The following GPC5 variants were observed in gnomAD, a reference collection of about 807,000 sequenced individuals.
GPC5 encodes the protein glypican-5.
In GPC5, 47 loss-of-function variants were observed where a neutral mutation model predicts 53.9. That is an observed-to-expected ratio of 0.87 (90% confidence interval 0.69 to 1.11). The LOEUF (loss-of-function observed/expected upper bound fraction) is 1.11. GPC5 is among the 50% of genes most tolerant of loss of function. The probability of loss-of-function intolerance (pLI) is 0.00; values close to 1 mark genes in which losing one functional copy is unlikely to be tolerated. For synonymous variants in GPC5, 286 were observed against 263.3 expected (o/e 1.09, Z -0.84); for missense variants, 748 against 713.1 (o/e 1.05, Z -0.56).
intron 1 of GPC5, among the ~76,000 whole-genome samples, chr13:91,411,449 A>C (rs1243755529): frequency 6.6e-6 from 1 of 152,140 alleles, no homozygotes; most frequent in African/African-American, 2.4e-5. Context: ...TCTCCACCCT[A>C]CCCTTTGTTC....
intron 6 of GPC5, among the ~76,000 whole-genome samples, chr13:92,062,506 A>G (rs1298758696): frequency 6.6e-6 from 1 of 152,004 alleles, no homozygotes; most frequent in Admixed American, 6.5e-5. Context: ...CTAATCTCGT[A>G]AAATAGCTAC....
chr13:91,787,438 T>C (rs1485515384), intron 5 of GPC5, among the ~76,000 whole-genome samples: 1 of 152,168 alleles, frequency 6.6e-6, no homozygotes, highest in Non-Finnish European at 1.5e-5. Flanking sequence ...TCATATGTTT[T>C]TAAAATTTGT....
At chr13:91,681,373 CT>C (rs2035505193) in intron 2 of GPC5, among the ~76,000 whole-genome samples, 2 of 152,166 alleles carry the variant, frequency 1.3e-5, no homozygotes, top group South Asian at 4.1e-4. Context: ...ACAAGAAGCC[CT>C]TGCATTTCAT....
At chr13:92,840,030 C>T (rs1878368338) in intron 7 of GPC5, among the ~76,000 whole-genome samples, 1 of 138,350 alleles carries the variant, frequency 7.2e-6, no homozygotes, top group Non-Finnish European at 1.6e-5. Flanking sequence ...AGCTTTTTTA[C>T]TTATATATCC....
At chr13:92,641,203 C>T (rs1261057919) in intron 7 of GPC5, among the ~76,000 whole-genome samples, 1 of 152,118 alleles carries the variant, frequency 6.6e-6, no homozygotes. Flanking sequence ...CCTTTTGCTG[C>T]AAATTAACCT....
intron 7 of GPC5, among the ~76,000 whole-genome samples, chr13:92,498,174 G>T (rs2138926357): frequency 6.6e-6 from 1 of 152,174 alleles, no homozygotes; most frequent in South Asian, 2.1e-4. Flanking sequence ...GGGCCAAGTG[G>T]GTGACCTGAA....
At chr13:91,463,005 G>A (rs1005451068) in intron 2 of GPC5, among the ~76,000 whole-genome samples, 20 of 152,010 alleles carry the variant, frequency 1.3e-4, no homozygotes, top group African/African-American at 4.8e-4. Context: ...CAATTTGACA[G>A]CACTAGGTTA....
chr13:92,312,835 T>C (rs1320425345), intron 7 of GPC5, among the ~76,000 whole-genome samples: 1 of 152,234 alleles, frequency 6.6e-6, no homozygotes, highest in African/African-American at 2.4e-5. Flanking sequence ...TTCTTGATTA[T>C]AATGTCTAAT....
chr13:92,495,836 C>T (rs576641994), intron 7 of GPC5, among the ~76,000 whole-genome samples: 157 of 152,126 alleles, frequency 1.0e-3, no homozygotes, highest in African/African-American at 3.7e-3. Flanking sequence ...GTGTAAACCC[C>T]AGCCTCTCAT....
chr13:92,222,168 T>C (rs1326984210), intron 7 of GPC5, among the ~76,000 whole-genome samples: 1 of 152,202 alleles, frequency 6.6e-6, no homozygotes, highest in African/African-American at 2.4e-5. Flanking sequence ...GTAGGCATCA[T>C]GTGCCACTGT....
Position 92,850,168 on chromosome 13 carries a change from G to A in GPC5, c.1562-16114G>A, listed in dbSNP as rs564849820. Among the ~76,000 whole-genome samples, 63 of 152,268 alleles carry A rather than the reference G, an allele frequency of 4.1e-4. No homozygotes were observed. The South Asian group carries it at 0.01, about 25-fold the overall frequency. ...TGAGAGCAGAGGAATTGGAAGAAGA[G>A]ATAGCAATAACAACATTTGAAAGCT... On this transcript the variant is annotated intron_variant, in intron 7 of 7. Transcript: ENST00000377067.
At chr13:91,422,977 C>A (rs1293480979) in intron 1 of GPC5, among the ~76,000 whole-genome samples, 2 of 152,272 alleles carry the variant, frequency 1.3e-5, no homozygotes, top group South Asian at 2.1e-4. Context: ...TCAGAGGGGA[C>A]ATTCAAACTA....
intron 3 of GPC5, among the ~76,000 whole-genome samples, chr13:91,694,107 G>C (rs1245821112): frequency 6.6e-6 from 1 of 152,164 alleles, no homozygotes; most frequent in Non-Finnish European, 1.5e-5. Context: ...GCTCAGGTTT[G>C]AAATCAGGAA....
chr13:91,575,107 T>C (rs1191132843), intron 2 of GPC5, among the ~76,000 whole-genome samples: 5 of 152,166 alleles, frequency 3.3e-5, no homozygotes, highest in Admixed American at 6.5e-5. Context: ...TATTTGACTA[T>C]TGAGGCAGTT....
At chr13:92,492,565 T>G (rs1420679996) in intron 7 of GPC5, among the ~76,000 whole-genome samples, 2 of 151,884 alleles carry the variant, frequency 1.3e-5, no homozygotes, top group Non-Finnish European at 2.9e-5. Context: ...ACAAAAAAAG[T>G]AACACATTAA....
intron 7 of GPC5, among the ~76,000 whole-genome samples, chr13:92,410,987 TACTTTGGGAGACCA>T (rs1876016078): frequency 6.6e-6 from 1 of 152,304 alleles, no homozygotes; most frequent in South Asian, 2.1e-4. Context: ...ATAATCCCAG[TACTTTGGGAGACCA>T]AGGCAGGTGG....
chr13:92,514,648 C>A (rs1481789660), intron 7 of GPC5, among the ~76,000 whole-genome samples: 1 of 152,136 alleles, frequency 6.6e-6, no homozygotes, highest in Non-Finnish European at 1.5e-5. Flanking sequence ...TTTGCCCAAT[C>A]CAGAGCCTGC....
At chr13:91,887,096 A>C (rs1457421590) in intron 5 of GPC5, among the ~76,000 whole-genome samples, 1 of 152,164 alleles carries the variant, frequency 6.6e-6, no homozygotes, top group Admixed American at 6.5e-5. Context: ...CTGCCTGGAC[A>C]TCCAGGTGTT....
chr13:92,047,326 A>G (rs865822168), intron 6 of GPC5, among the ~76,000 whole-genome samples: 2 of 152,122 alleles, frequency 1.3e-5, no homozygotes, highest in South Asian at 4.1e-4. Flanking sequence ...ATAGACCAAC[A>G]CCAAGGAGAT....
Sources: gnomAD v4.1 joint callset for allele counts (sites outside exome capture counted in the v4.1 genomes callset) on GRCh38, gnomAD v4.1.1 for gene constraint, MANE v1.5 for transcripts, NCBI Gene and HGNC (gene_info 2026-07-23, HGNC 2026-07-21) for gene names.